PIEZO2: variants seen among roughly 807,000 people sequenced by gnomAD.
The protein encoded by PIEZO2 is piezo-type mechanosensitive ion channel component 2.
PIEZO2 carries 172 observed loss-of-function variants against 337.3 expected under a neutral mutation model. That is an observed-to-expected ratio of 0.51 (90% CI 0.45 to 0.58). The LOEUF (loss-of-function observed/expected upper bound fraction) is 0.58, where lower values mean the gene tolerates loss of function less well. Ranked by LOEUF, PIEZO2 falls within the 20% of genes least tolerant of loss-of-function variation. The probability of loss-of-function intolerance (pLI) is 0.00; values close to 1 mark genes in which losing one functional copy is unlikely to be tolerated. For synonymous variants in PIEZO2, 1,251 were observed against 1,228.5 expected, an observed-to-expected ratio of 1.02 and a Z score of -0.38; for missense variants, 3,028 against 3,391.3, an observed-to-expected ratio of 0.89 and a Z score of 2.66.
rs949190793 is a variant in PIEZO2 at position 11,125,059 on chromosome 18, T to C, written c.64+23466A>G. Among the ~76,000 whole-genome samples, 3 of 152,288 alleles carry C rather than the reference T, an allele frequency of 2.0e-5. No individual in the cohort carries two copies. Among genetic ancestry groups the C allele is most frequent in the Admixed American group, 1.3e-4 (2 of 15,304 alleles). Reference sequence around the variant, plus strand: ...ATTTTTCTGAGTTTCTATTTTCTCATGTAAAACCTTTCCTCCTTTCATTTC... The same window carrying C: ...ATTTTTCTGAGTTTCTATTTTCTCACGTAAAACCTTTCCTCCTTTCATTTC... On this transcript the variant is annotated intron_variant, in intron 1 of 55. Coordinates refer to ENST00000674853, the MANE Select transcript of PIEZO2 (RefSeq NM_001378183.1). The surrounding 1 kb of genome is among the most constrained non-coding windows in gnomAD (Gnocchi z 4.4).
intron 21 of PIEZO2, among the ~76,000 whole-genome samples, chr18:10,768,096 T>C (rs1473887163): frequency 6.6e-6 from 1 of 152,142 alleles, no homozygotes; most frequent in African/African-American, 2.4e-5. Flanking sequence ...AAAGAGCCTC[T>C]GCGAGGTGGA....
intron 21 of PIEZO2, among the ~76,000 whole-genome samples, chr18:10,765,311 G>T (rs1164750339): frequency 3.3e-5 from 5 of 152,212 alleles, no homozygotes; most frequent in African/African-American, 1.2e-4. Context: ...CATTGTGAGA[G>T]AAGTGTGATC....
Position 10,671,744 on chromosome 18 carries a change from A to G in PIEZO2, c.8381T>C (p.Ile2794Thr). ...MGLYASVVLV[I>T]GKFVREFFSG... ...GAAGAATTCACGGACAAATTTCCCA[A>G]TCACAAGGACAACTGAAGCATATAA... Residue 2794 changes from isoleucine (I) to threonine (T), a missense_variant, in exon 56 of 56, where the codon ATT becomes ACT. By Grantham distance (89) the Ile-to-Thr change is moderately conservative. Transcript: ENST00000674853. 1 of 1,613,904 alleles carries G rather than the reference A, an allele frequency of 6.2e-7. No individual in the cohort carries two copies.
rs1333620302 is a variant in PIEZO2 at position 11,069,548 on chromosome 18, T to C, written c.65-3326A>G. On this transcript the variant is annotated intron_variant, in intron 1 of 55. Coordinates refer to ENST00000674853, the MANE Select transcript of PIEZO2 (RefSeq NM_001378183.1). This position sits in a 1 kb window ranked among gnomAD's most constrained non-coding sequence, Gnocchi z 4.9. Reference sequence around the variant, plus strand: ...ACTTCAACACAATAAAGGCCATATGTAACACACACACAGCTAATATCACAC... The same window carrying C: ...ACTTCAACACAATAAAGGCCATATGCAACACACACACAGCTAATATCACAC... Among the ~76,000 whole-genome samples, 2 of 152,236 alleles carry C rather than the reference T, an allele frequency of 1.3e-5. No homozygotes were observed. The highest frequency in any genetic ancestry group is 4.8e-5 in the African/African-American group (2 of 41,460).
chr18:11,059,985 A>G (rs1413703401), intron 2 of PIEZO2, among the ~76,000 whole-genome samples: 2 of 152,226 alleles, frequency 1.3e-5, no homozygotes, highest in East Asian at 1.9e-4. Context: ...CACTTATTCC[A>G]AAATTGACCA....
intron 4 of PIEZO2, among the ~76,000 whole-genome samples, chr18:10,871,818 T>C (rs2042147562): frequency 1.3e-5 from 2 of 152,190 alleles, no homozygotes; most frequent in Admixed American, 6.5e-5. Context: ...ACAAGGAAAA[T>C]AGAGAAAATG....
intron 35 of PIEZO2, among the ~76,000 whole-genome samples, chr18:10,733,575 A>T (rs567293728): frequency 6.6e-5 from 10 of 151,246 alleles, no homozygotes; most frequent in Non-Finnish European, 1.0e-4. Flanking sequence ...CAGCCTCCCG[A>T]GTAGCTGGGA....
At position 10,979,686 on chromosome 18, in the gene PIEZO2, G is replaced by A; in HGVS notation, c.161-26C>T. The A allele has an allele frequency of 6.6e-7, 1 of 1,513,828 alleles. No homozygotes were observed. Among genetic ancestry groups the A allele is most frequent in the Non-Finnish European group, 8.8e-7 (1 of 1,131,572 alleles). The allele number at this position is 1,513,828 out of a possible 1,614,324, so 93.8% of individuals were successfully genotyped here. On this transcript the variant is annotated intron_variant, in intron 2 of 55. Coordinates refer to ENST00000674853, the MANE Select transcript of PIEZO2 (RefSeq NM_001378183.1). This position sits in a 1 kb window ranked among gnomAD's most constrained non-coding sequence, Gnocchi z 4.0. ...CTAAGGGATAAAAAGTGCAGAGATTGTGAGAGAGCTTAAGATGAAACACAC... is the reference window on the plus strand; with the variant it reads ...CTAAGGGATAAAAAGTGCAGAGATTATGAGAGAGCTTAAGATGAAACACAC...
rs1023935979 is a variant in PIEZO2, at chr18:11,029,965, C to T, written c.160+36162G>A. Among the ~76,000 whole-genome samples the T allele has an allele frequency of 2.0e-5, 3 of 152,304 alleles. No homozygotes were observed. The East Asian group carries it at 5.8e-4, about 29-fold the overall frequency. ...AGCTCTATGATTTGATCTGAACAAC[C>T]TTCATCAGGTTGGAAATATTTTTTA... On this transcript the variant is annotated intron_variant, in intron 2 of 55. Coordinates refer to ENST00000674853, the MANE Select transcript of PIEZO2 (RefSeq NM_001378183.1).
intron 7 of PIEZO2, among the ~76,000 whole-genome samples, chr18:10,835,412 A>G (rs552461458): frequency 2.6e-5 from 4 of 152,234 alleles, no homozygotes; most frequent in Non-Finnish European, 4.4e-5. Flanking sequence ...AAAGACAGAG[A>G]AACTTTCCAG....
chr18:11,089,561 G>A lies in PIEZO2; in HGVS notation c.65-23339C>T, dbSNP rs181772116. Among the ~76,000 whole-genome samples, 766 of 152,218 alleles carry A rather than the reference G, an allele frequency of 5.0e-3. 3 individuals carry two copies. Among genetic ancestry groups the A allele is most frequent in the Middle Eastern group, 0.01 (3 of 294 alleles). ...GGAGGGCAGCCATTCCTCTTCCAAGGAATAAAACCTCCAACCGGCATTTCT... is the reference window on the plus strand; with the variant it reads ...GGAGGGCAGCCATTCCTCTTCCAAGAAATAAAACCTCCAACCGGCATTTCT... On this transcript the variant is annotated intron_variant, in intron 1 of 55. Coordinates refer to ENST00000674853, the MANE Select transcript of PIEZO2 (RefSeq NM_001378183.1).
chr18:11,040,307 T>G (rs1348268337), intron 2 of PIEZO2, among the ~76,000 whole-genome samples: 1 of 152,184 alleles, frequency 6.6e-6, no homozygotes, highest in African/African-American at 2.4e-5. Flanking sequence ...AGAATTAAAT[T>G]TTGAACTCCT....
rs113519303 is a variant in PIEZO2 at position 11,043,183 on chromosome 18, C to T, written c.160+22944G>A. On this transcript the variant is annotated intron_variant, in intron 2 of 55. Coordinates refer to ENST00000674853, the MANE Select transcript of PIEZO2 (RefSeq NM_001378183.1). Reference sequence around the variant, plus strand: ...TCTACAAATGCTTATCTTATGGAGCCCAAACTGAGCCAAGCAAATGGTGAT... The same window carrying T: ...TCTACAAATGCTTATCTTATGGAGCTCAAACTGAGCCAAGCAAATGGTGAT... 9.8e-3 allele frequency among the ~76,000 whole-genome samples: 1,477 copies of T among 151,444 alleles called. 34 individuals carry two copies. The highest frequency in any genetic ancestry group is 0.034 in the African/African-American group (1,394 of 41,226).
intron 14 of PIEZO2, among the ~76,000 whole-genome samples, chr18:10,789,626 A>G (rs2039345239): frequency 6.6e-6 from 1 of 152,204 alleles, no homozygotes; most frequent in African/African-American, 2.4e-5. Context: ...TCTTTCTGAT[A>G]TCCAGTGATA....
At chr18:10,917,173 AAGGG>A (rs2031047447) in intron 3 of PIEZO2, among the ~76,000 whole-genome samples, 1 of 152,108 alleles carries the variant, frequency 6.6e-6, no homozygotes, top group Admixed American at 6.5e-5. Flanking sequence ...CTGATGGAAC[AAGGG>A]AGATTATTTT....
chr18:10,981,144 A>G (rs753854790), intron 2 of PIEZO2, among the ~76,000 whole-genome samples: 10 of 152,136 alleles, frequency 6.6e-5, no homozygotes, highest in Non-Finnish European at 1.2e-4. Flanking sequence ...TTAATCGTAT[A>G]TATATATGTG....
At chr18:10,737,781 G>C (rs8086028) in intron 33 of PIEZO2, 248 of 152,068 alleles carry the variant, frequency 1.6e-3, no homozygotes, top group African/African-American at 5.4e-3. Flanking sequence ...TCCCATCATC[G>C]CAGGAAAACA....
intron 40 of PIEZO2, among the ~76,000 whole-genome samples, chr18:10,706,650 C>T (rs1327939309): frequency 1.3e-5 from 2 of 152,208 alleles, no homozygotes; most frequent in East Asian, 3.9e-4. Context: ...TCCTTTGTCT[C>T]CTTCTTTTGT....
chr18:10,695,406 C>G (rs1023108856), intron 47 of PIEZO2, among the ~76,000 whole-genome samples: 1 of 152,198 alleles, frequency 6.6e-6, no homozygotes, highest in Non-Finnish European at 1.5e-5. Flanking sequence ...GAGGGAAGCA[C>G]AGCAGCCACT....
Sources: allele counts gnomAD v4.1 joint callset (sites outside exome capture counted in the v4.1 genomes callset), GRCh38; gene constraint gnomAD v4.1.1; non-coding constraint Gnocchi (gnomAD v3.1); transcripts MANE v1.5; gene names NCBI Gene and HGNC (gene_info 2026-07-23, HGNC 2026-07-21).